NRXN3: variants seen among roughly 807,000 people sequenced by gnomAD.
NRXN3 encodes neurexin 3.
Under a neutral mutation model 137.6 loss-of-function variants are expected in NRXN3, and 32 were observed. The ratio of observed to expected loss-of-function variants is 0.23; its 90% CI spans 0.18 to 0.31. The LOEUF (loss-of-function observed/expected upper bound fraction) is 0.31, where lower values mean the gene tolerates loss of function less well. Ranked by LOEUF, NRXN3 falls within the 10% of genes least tolerant of loss-of-function variation. NRXN3 has a pLI of 1.00. For missense variants in NRXN3, 1,574 were observed against 2,062.5 expected (o/e 0.76, Z 4.59); for synonymous variants, 798 against 784.5 (o/e 1.02, Z -0.29).
At chr14:79,476,863 G>C (rs960008712) in intron 16 of NRXN3, among the ~76,000 whole-genome samples, 2 of 152,036 alleles carry the variant, frequency 1.3e-5, no homozygotes, top group African/African-American at 4.8e-5. Context: ...AGCTGAATGG[G>C]CTTTCAAATG....
intron 15 of NRXN3, among the ~76,000 whole-genome samples, chr14:79,406,963 A>C (rs1340377549): frequency 6.6e-6 from 1 of 152,158 alleles, no homozygotes; most frequent in Non-Finnish European, 1.5e-5. Flanking sequence ...TGAAGGTGGA[A>C]ATGATTGCTT....
intron 7 of NRXN3, among the ~76,000 whole-genome samples, chr14:78,712,311 T>G (rs1177358238): frequency 6.6e-6 from 1 of 152,180 alleles, no homozygotes; most frequent in Non-Finnish European, 1.5e-5. Flanking sequence ...TAATAACTCC[T>G]ACCTCCCAAT....
intron 15 of NRXN3, among the ~76,000 whole-genome samples, chr14:79,286,040 G>C (rs532200627): frequency 6.6e-6 from 1 of 152,128 alleles, no homozygotes; most frequent in Admixed American, 6.5e-5. Flanking sequence ...TACAGATATG[G>C]GGAAAAAAAC....
chr14:79,543,165 T>G lies in NRXN3; in HGVS notation c.3444+75763T>G, dbSNP rs141249706. Among the ~76,000 whole-genome samples the G allele has an allele frequency of 7.2e-3, 1,090 of 152,264 alleles. 8 individuals are homozygous for G. The highest frequency in any genetic ancestry group is 0.029 in the South Asian group (138 of 4,824). ...CACTGGGATATCTATCACAAACACA[T>G]GCCAGTTGTCATCTTCCAAGGCATC... On this transcript the variant is annotated intron_variant, in intron 16 of 20. Transcript: ENST00000335750.
intron 4 of NRXN3, among the ~76,000 whole-genome samples, chr14:78,325,111 C>T (rs2079891595): frequency 6.6e-6 from 1 of 151,980 alleles, no homozygotes; most frequent in African/African-American, 2.4e-5. Context: ...TGAGGACAAT[C>T]TGCAAACATT....
chr14:79,444,420 C>T (rs376284087), intron 15 of NRXN3, among the ~76,000 whole-genome samples: 17 of 152,196 alleles, frequency 1.1e-4, no homozygotes, highest in Non-Finnish European at 1.8e-4. Flanking sequence ...ATTTGTCGCG[C>T]TCCCCTTGGA....
chr14:78,818,138 A>G (rs1344399920), intron 10 of NRXN3, among the ~76,000 whole-genome samples: 1 of 151,692 alleles, frequency 6.6e-6, no homozygotes, highest in African/African-American at 2.4e-5. Flanking sequence ...ATTAGTGTAC[A>G]TGGTTTAGAT....
chr14:79,850,826 C>A lies in NRXN3; in HGVS notation c.4094-10516C>A, dbSNP rs532359038. 3.3e-5 allele frequency among the ~76,000 whole-genome samples: 5 copies of A among 152,250 alleles called. No homozygotes were observed. The East Asian group carries it at 9.7e-4, about 29-fold the overall frequency. ...GTCATTTTGTATCTTAGAGACCAAA[C>A]AAGGTTTGTGTATGTGAACTAATGG... On this transcript the variant is annotated intron_variant, in intron 20 of 20. Transcript: ENST00000335750.
chr14:79,579,376 T>C (rs1440315904), intron 16 of NRXN3, among the ~76,000 whole-genome samples: 1 of 146,756 alleles, frequency 6.8e-6, no homozygotes, highest in Non-Finnish European at 1.5e-5. Context: ...ATAATATATA[T>C]ATAATTTCAG....
intron 19 of NRXN3, among the ~76,000 whole-genome samples, chr14:79,793,076 C>T (rs2099150303): frequency 1.3e-5 from 2 of 152,096 alleles, no homozygotes. Flanking sequence ...AAAAGAGCCA[C>T]ACCAATACAG....
intron 10 of NRXN3, among the ~76,000 whole-genome samples, chr14:78,895,398 T>G: frequency 6.6e-6 from 1 of 151,918 alleles, no homozygotes; most frequent in East Asian, 1.9e-4. Flanking sequence ...TTTCTGCATC[T>G]TCCTCACCTC....
At chr14:79,404,719 G>A (rs1455904479) in intron 15 of NRXN3, among the ~76,000 whole-genome samples, 2 of 152,152 alleles carry the variant, frequency 1.3e-5, no homozygotes, top group East Asian at 1.9e-4. Flanking sequence ...ATAGGGTGGC[G>A]ACAGAACAAG....
At chr14:79,091,395 T>C (rs371386263) in intron 15 of NRXN3, among the ~76,000 whole-genome samples, 4 of 152,120 alleles carry the variant, frequency 2.6e-5, no homozygotes, top group African/African-American at 4.8e-5. Flanking sequence ...TTAATACAAG[T>C]AGTATTTTAT....
chr14:78,983,333 A>T (rs756270029), intron 14 of NRXN3, among the ~76,000 whole-genome samples: 1 of 152,218 alleles, frequency 6.6e-6, no homozygotes, highest in Non-Finnish European at 1.5e-5. Context: ...CGCCAAAGAG[A>T]TATCTGCATT....
intron 16 of NRXN3, among the ~76,000 whole-genome samples, chr14:79,582,442 G>A (rs1417682357): frequency 2.0e-5 from 3 of 152,032 alleles, no homozygotes; most frequent in African/African-American, 7.3e-5. Context: ...ATTTTTTTGA[G>A]ACGGAGTCTT....
intron 15 of NRXN3, among the ~76,000 whole-genome samples, chr14:79,043,398 C>G (rs928649446): frequency 2.0e-5 from 3 of 152,150 alleles, no homozygotes; most frequent in Admixed American, 2.0e-4. Flanking sequence ...GATCAGGATC[C>G]AAGATTTTAG....
chr14:78,382,128 T>C (rs955507860), intron 4 of NRXN3, among the ~76,000 whole-genome samples: 3 of 152,226 alleles, frequency 2.0e-5, no homozygotes, highest in Non-Finnish European at 4.4e-5. Context: ...ACAACATTCA[T>C]GTAAATGTAC....
chr14:79,815,158 C>T (rs2099247874), intron 20 of NRXN3, among the ~76,000 whole-genome samples: 1 of 152,072 alleles, frequency 6.6e-6, no homozygotes, highest in South Asian at 2.1e-4. Context: ...GTTAATTATC[C>T]AAATGTTGGA....
At chr14:78,831,869 T>G (rs112645785) in intron 10 of NRXN3, among the ~76,000 whole-genome samples, 5 of 152,260 alleles carry the variant, frequency 3.3e-5, no homozygotes, top group African/African-American at 1.2e-4. Context: ...CTACCTCCAT[T>G]GACCTTGAAA....
Sources: allele counts gnomAD v4.1 joint callset (sites outside exome capture counted in the v4.1 genomes callset), GRCh38; gene constraint gnomAD v4.1.1; transcripts MANE v1.5; gene names NCBI Gene and HGNC (gene_info 2026-07-23, HGNC 2026-07-21).